DCDC1: variants seen among roughly 807,000 people sequenced by gnomAD.
DCDC1 encodes doublecortin domain-containing protein 1.
Under a neutral mutation model 178.3 loss-of-function variants are expected in DCDC1, and 200 were observed. The ratio of observed to expected loss-of-function variants is 1.12; its 90% confidence interval spans 1.00 to 1.26. DCDC1 has a LOEUF of 1.26. Ranked by LOEUF, DCDC1 falls within the 50% of genes most tolerant of loss-of-function variation. DCDC1 has a pLI of 0.00. For synonymous variants in DCDC1, 690 were observed against 604.8 expected (o/e 1.14, Z -2.07); for missense variants, 1,983 against 1,749.2 (o/e 1.13, Z -2.38).
intron 9 of DCDC1, among the ~76,000 whole-genome samples, chr11:31,231,581 G>A (rs1565472575): frequency 6.6e-6 from 1 of 152,096 alleles, no homozygotes; most frequent in Non-Finnish European, 1.5e-5. Context: ...TGGGAATCTG[G>A]ACATTTATTC....
chr11:31,160,866 G>A (rs938972714), intron 9 of DCDC1, among the ~76,000 whole-genome samples: 3 of 152,080 alleles, frequency 2.0e-5, no homozygotes, highest in African/African-American at 4.8e-5. Context: ...AAGCCTCAGC[G>A]ATGCTAAAAT....
At chr11:31,151,069 C>T (rs929506866) in intron 9 of DCDC1, among the ~76,000 whole-genome samples, 1 of 152,174 alleles carries the variant, frequency 6.6e-6, no homozygotes, top group Admixed American at 6.5e-5. Context: ...CTGGGCACGG[C>T]AGATACACTG....
At chr11:30,876,759 C>A (rs1419731073) in intron 38 of DCDC1, among the ~76,000 whole-genome samples, 1 of 152,026 alleles carries the variant, frequency 6.6e-6, no homozygotes, top group Non-Finnish European at 1.5e-5. Flanking sequence ...GTGATAGGTA[C>A]TTTTGCACCT....
At chr11:31,196,815 T>C (rs1274952791) in intron 9 of DCDC1, among the ~76,000 whole-genome samples, 1 of 152,024 alleles carries the variant, frequency 6.6e-6, no homozygotes, top group Non-Finnish European at 1.5e-5. Flanking sequence ...TCCCCAAAGG[T>C]CAAGGGATAT....
chr11:31,127,687 T>C (rs1164286391), intron 10 of DCDC1, 48 bp from the exon 11 acceptor site: 1 of 683,098 alleles, frequency 1.5e-6, no homozygotes, highest in Non-Finnish European at 2.7e-6. Context: ...TAATTGTTGA[T>C]GTCACACCTA....
intron 20 of DCDC1, among the ~76,000 whole-genome samples, chr11:30,977,056 T>C (rs962689024): frequency 2.6e-5 from 4 of 152,158 alleles, no homozygotes; most frequent in African/African-American, 4.8e-5. Flanking sequence ...GAGGTCATTA[T>C]GATAAGTGGA....
At chr11:31,214,088 T>A (rs911474076) in intron 9 of DCDC1, among the ~76,000 whole-genome samples, 1 of 150,762 alleles carries the variant, frequency 6.6e-6, no homozygotes, top group South Asian at 2.1e-4. Context: ...TTAAAAAAGA[T>A]GGATAAAAAC....
At chr11:31,349,035 T>TC in intron 1 of DCDC1, among the ~76,000 whole-genome samples, 1 of 138,422 alleles carries the variant, frequency 7.2e-6, no homozygotes, top group Non-Finnish European at 1.6e-5. Flanking sequence ...TTATTTTTTT[T>TC]TAAGTGGGGA....
At chr11:31,104,069 G>T (rs1204787172) in intron 13 of DCDC1, among the ~76,000 whole-genome samples, 1 of 152,082 alleles carries the variant, frequency 6.6e-6, no homozygotes, top group African/African-American at 2.4e-5. Flanking sequence ...TTCACATAAT[G>T]TTCATTTTCC....
At position 31,106,907 on chromosome 11, in the gene DCDC1, G is replaced by T; in HGVS notation, c.1641C>A (p.Gly547=). Residue 547 remains glycine, a synonymous_variant, in exon 13 of 39, where the codon GGC becomes GGA. Coordinates refer to ENST00000684477, the MANE Select transcript of DCDC1 (RefSeq NM_001387274.1). ...AAAGCCGCATTGAAGAATAATTGAG[G>T]CCTGGTGGGTTGATGGAAGAACCTT... is the stretch of plus-strand genomic sequence containing the variant. ...RLQGSSINPP[G]LNYSSMRLFD... 1.3e-6 allele frequency: 1 copy of T among 766,066 alleles called. No individual in the cohort carries two copies. Among genetic ancestry groups the T allele is most frequent in the Non-Finnish European group, 2.4e-6 (1 of 417,792 alleles). The allele number at this position is 766,066 out of a possible 1,614,324, so 47.5% of individuals were successfully genotyped here.
Position 31,265,609 on chromosome 11 carries a change from G to GA in DCDC1, c.961-10dup, listed in dbSNP as rs746774392. The GA allele has an allele frequency of 2.6e-4, 333 of 1,300,132 alleles. No individual in the cohort carries two copies. The highest frequency in any genetic ancestry group is 6.3e-4 in the Middle Eastern group (3 of 4,786). 80.5% of individuals were successfully genotyped at this position (1,300,132 alleles called of 1,614,324 possible). On this transcript the variant is annotated splice_polypyrimidine_tract_variant and intron_variant, in intron 7 of 38. Coordinates refer to ENST00000684477, the MANE Select transcript of DCDC1 (RefSeq NM_001387274.1). ...GTACAAGTATCTAAAACCTGTGCAG[G>GA]AAAAAAAAATTATAAATAATTTAGT...
At chr11:30,921,187 A>C (rs1367162985) in intron 24 of DCDC1, among the ~76,000 whole-genome samples, 2 of 152,210 alleles carry the variant, frequency 1.3e-5, no homozygotes, top group African/African-American at 2.4e-5. Context: ...GTAATTATTC[A>C]AATGGGCTAC....
intron 9 of DCDC1, among the ~76,000 whole-genome samples, chr11:31,209,800 T>C (rs1007575568): frequency 2.6e-5 from 4 of 152,200 alleles, no homozygotes; most frequent in East Asian, 1.9e-4. Context: ...AGTAGAAGAA[T>C]TGTGGAAAGA....
chr11:31,017,974 T>A (rs573075023), intron 20 of DCDC1, among the ~76,000 whole-genome samples: 4 of 152,310 alleles, frequency 2.6e-5, no homozygotes, highest in African/African-American at 9.6e-5. Context: ...ATAATCTTGG[T>A]TTGACATTTC....
chr11:31,137,551 T>C (rs559824228), intron 10 of DCDC1, 141 bp downstream of exon 10: 12 of 480,630 alleles, frequency 2.5e-5, no homozygotes, highest in Non-Finnish European at 4.4e-5. Context: ...GGTTTCACCA[T>C]GTTGGTCAGG....
chr11:31,127,371 G>T, intron 11 of DCDC1, 98 bp downstream of exon 11: 2 of 538,188 alleles, frequency 3.7e-6, no homozygotes, highest in South Asian at 2.7e-5. Flanking sequence ...AACATTAAAA[G>T]AAATTCAAGC....
chr11:31,051,750 T>C (rs935027027), intron 20 of DCDC1, among the ~76,000 whole-genome samples: 3 of 152,140 alleles, frequency 2.0e-5, no homozygotes, highest in Non-Finnish European at 4.4e-5. Flanking sequence ...AGAAAAGATA[T>C]AGTCGTTTTC....
chr11:30,926,181 C>G (rs566079350), intron 22 of DCDC1, among the ~76,000 whole-genome samples: 7 of 152,224 alleles, frequency 4.6e-5, no homozygotes, highest in African/African-American at 1.7e-4. Flanking sequence ...TCCAGAGAAG[C>G]CTTATCTAAG....
intron 2 of DCDC1, among the ~76,000 whole-genome samples, chr11:31,328,756 C>T (rs553706702): frequency 1.4e-5 from 2 of 143,430 alleles, no homozygotes; most frequent in African/African-American, 2.6e-5. Context: ...GCTTGCAGTG[C>T]GGTGAGATCG....
Sources: gnomAD v4.1 joint callset for allele counts (sites outside exome capture counted in the v4.1 genomes callset) on GRCh38, gnomAD v4.1.1 for gene constraint, MANE v1.5 for transcripts, NCBI Gene and HGNC (gene_info 2026-07-23, HGNC 2026-07-21) for gene names.